SDHC: variants seen among roughly 807,000 people sequenced by gnomAD.
SDHC encodes the protein succinate dehydrogenase cytochrome b560 subunit, mitochondrial.
A neutral mutation model predicts 22.6 loss-of-function variants in SDHC; 11 were observed. The observed-to-expected ratio is 0.49, with a 90% CI of 0.31 to 0.81. SDHC has a LOEUF of 0.81. SDHC is among the 30% of genes least tolerant of loss of function. The probability of loss-of-function intolerance (pLI) is 0.05; values close to 1 mark genes in which losing one functional copy is unlikely to be tolerated. For missense variants in SDHC, 160 were observed against 212.0 expected (o/e 0.75, Z 1.52); for synonymous variants, 80 against 77.8 (o/e 1.03, Z -0.15).
chr1:161,356,608 C>T (rs1558182710), intron 4 of SDHC, 69 bp from the exon 5 acceptor site: 4 of 1,499,404 alleles, frequency 2.7e-6, no homozygotes, highest in Admixed American at 3.3e-5. Context: ...GCCAGGGGTC[C>T]CAGTTTTATG....
intron 3 of SDHC, among the ~76,000 whole-genome samples, chr1:161,340,032 C>T (rs1671664191): frequency 6.6e-6 from 1 of 151,976 alleles, no homozygotes; most frequent in Non-Finnish European, 1.5e-5. Context: ...CACAGTGGCT[C>T]ACACCTGTAA....
At chr1:161,335,185 A>G (rs968804086) in intron 3 of SDHC, among the ~76,000 whole-genome samples, 4 of 152,170 alleles carry the variant, frequency 2.6e-5, no homozygotes, top group Non-Finnish European at 1.5e-5. Flanking sequence ...CCCTGCGGTA[A>G]TGCTATACTT....
At position 161,340,593 on chromosome 1, in the gene SDHC, G is replaced by A; in HGVS notation, c.180-1G>A. On this transcript the variant is annotated splice_acceptor_variant, in intron 3 of 5. Transcript: ENST00000367975. LOFTEE classifies it high-confidence loss of function. ...AATTGTCTTTGTGTGTTTCTTTACAGTTGGTCTCTTCCCATGGCGATGTCC... is the reference window on the plus strand; with the variant it reads ...AATTGTCTTTGTGTGTTTCTTTACAATTGGTCTCTTCCCATGGCGATGTCC... 1 of 1,613,472 alleles carries A rather than the reference G, an allele frequency of 6.2e-7. No individual in the cohort carries two copies. The highest frequency in any genetic ancestry group is 8.5e-7 in the Non-Finnish European group (1 of 1,179,522).
At chr1:161,326,111 A>AG (rs1359127764) in intron 2 of SDHC, among the ~76,000 whole-genome samples, 3 of 152,090 alleles carry the variant, frequency 2.0e-5, no homozygotes, top group Non-Finnish European at 4.4e-5. Context: ...CTGAGGCAGG[A>AG]GGATGACTTG....
chr1:161,361,600 G>A (rs1390223735), intron 5 of SDHC, among the ~76,000 whole-genome samples: 1 of 152,196 alleles, frequency 6.6e-6, no homozygotes, highest in Non-Finnish European at 1.5e-5. Context: ...AGCATTCTGG[G>A]AGGACAAGGC....
At chr1:161,344,808 T>C (rs529120551) in intron 4 of SDHC, among the ~76,000 whole-genome samples, 2 of 152,350 alleles carry the variant, frequency 1.3e-5, no homozygotes, top group East Asian at 3.9e-4. Context: ...TTTTGCTTTA[T>C]GGAAACAAGG....
chr1:161,327,798 A>G (rs1296164416), intron 2 of SDHC, among the ~76,000 whole-genome samples: 1 of 151,912 alleles, frequency 6.6e-6, no homozygotes, highest in African/African-American at 2.4e-5. Flanking sequence ...TCCTGACTTC[A>G]TGATCCACCC....
intron 5 of SDHC, among the ~76,000 whole-genome samples, chr1:161,358,032 C>CTTTT (rs34253350): frequency 2.4e-4 from 25 of 104,836 alleles, no homozygotes; most frequent in East Asian, 1.3e-3. Context: ...GGTTAGGAAT[C>CTTTT]TTTTTTTTTT....
intron 3 of SDHC, chr1:161,339,420 A>C: frequency 3.6e-6 from 1 of 275,080 alleles, no homozygotes. Context: ...TCCTGAACTC[A>C]ACGGCCCCCG....
intron 1 of SDHC, among the ~76,000 whole-genome samples, chr1:161,322,987 C>A (rs1245182142): frequency 2.0e-5 from 3 of 152,080 alleles, no homozygotes; most frequent in Non-Finnish European, 2.9e-5. Context: ...GACATCACCT[C>A]CTGTAAGACC....
chr1:161,352,986 A>G (rs765387060), intron 4 of SDHC, among the ~76,000 whole-genome samples: 5 of 152,240 alleles, frequency 3.3e-5, no homozygotes, highest in Non-Finnish European at 5.9e-5. Context: ...CAAAGAAAAA[A>G]AAAGAAAAAA....
In SDHC at chr1:161,335,880, T is replaced by C. The variant is rs140144261; in HGVS notation, c.180-4714T>C. ...TTCAGAAGTGGCATTGATAACAGTTTTTGCTGATGTCTTTGAAGATAAGTC... is the reference window on the plus strand; with the variant it reads ...TTCAGAAGTGGCATTGATAACAGTTCTTGCTGATGTCTTTGAAGATAAGTC... On this transcript the variant is annotated intron_variant, in intron 3 of 5. Transcript: ENST00000367975. Among the ~76,000 whole-genome samples, 5 of 152,296 alleles carry C rather than the reference T, an allele frequency of 3.3e-5. No individual in the cohort carries two copies. In the East Asian group the frequency reaches 9.6e-4, roughly 29 times the overall value.
chr1:161,335,001 C>T (rs897328020), intron 3 of SDHC, among the ~76,000 whole-genome samples: 4 of 152,104 alleles, frequency 2.6e-5, no homozygotes, highest in Non-Finnish European at 5.9e-5. Flanking sequence ...CCTTTATAGG[C>T]CTAAGATTGA....
intron 4 of SDHC, 134 bp from the exon 5 acceptor site, chr1:161,356,543 A>G: frequency 1.0e-6 from 1 of 1,004,296 alleles, no homozygotes. Context: ...TGTCTCAAGA[A>G]AAAAAGAAAA....
intron 4 of SDHC, among the ~76,000 whole-genome samples, chr1:161,348,664 TC>T (rs1671990665): frequency 8.2e-5 from 4 of 48,888 alleles, no homozygotes; most frequent in South Asian, 9.6e-4. Flanking sequence ...CTACTAAAAA[TC>T]CAAAAAAAAA....
At chr1:161,356,075 A>G (rs1308872714) in intron 4 of SDHC, among the ~76,000 whole-genome samples, 1 of 151,504 alleles carries the variant, frequency 6.6e-6, no homozygotes, top group Non-Finnish European at 1.5e-5. Context: ...TAGTTAGATG[A>G]TGAACTAGAT....
intron 3 of SDHC, among the ~76,000 whole-genome samples, chr1:161,334,879 A>C (rs1462933358): frequency 6.6e-6 from 1 of 152,198 alleles, no homozygotes; most frequent in Non-Finnish European, 1.5e-5. Flanking sequence ...ACTTCTTAAT[A>C]CTTGGCTGTG....
chr1:161,346,924 C>T (rs894650423), intron 4 of SDHC, among the ~76,000 whole-genome samples: 5 of 151,902 alleles, frequency 3.3e-5, no homozygotes, highest in Non-Finnish European at 7.4e-5. Flanking sequence ...ACAATGTAAA[C>T]GCTATGTAAA....
At chr1:161,334,190 TC>T (rs1671385971) in intron 3 of SDHC, among the ~76,000 whole-genome samples, 1 of 152,164 alleles carries the variant, frequency 6.6e-6, no homozygotes, top group Non-Finnish European at 1.5e-5. Context: ...CTATCTGAAT[TC>T]CTTGGCTTCT....
Sources: gnomAD v4.1 joint callset for allele counts (sites outside exome capture counted in the v4.1 genomes callset) on GRCh38, gnomAD v4.1.1 for gene constraint, MANE v1.5 for transcripts, NCBI Gene and HGNC (gene_info 2026-07-23, HGNC 2026-07-21) for gene names.